Variants in P2RX2 observed in about 807,000 individuals in gnomAD.
P2RX2 encodes the protein purinergic receptor P2X 2.
Under a neutral mutation model 54.8 loss-of-function variants are expected in P2RX2, and 50 were observed. The ratio of observed to expected loss-of-function variants is 0.91; its 90% confidence interval spans 0.73 to 1.15. The LOEUF is 1.15. Ranked by LOEUF, P2RX2 falls within the 50% of genes most tolerant of loss-of-function variation. The pLI is 0.00. For missense variants in P2RX2, 658 were observed against 633.2 expected, an observed-to-expected ratio of 1.04 and a Z score of -0.42; for synonymous variants, 289 against 259.4, an observed-to-expected ratio of 1.11 and a Z score of -1.09.
Position 132,619,872 on chromosome 12 carries a change from T to C in P2RX2, c.410T>C (p.Leu137Pro). Reference protein sequence around the residue: ...ESIRVHNATCLSDADCVAGEL... With the variant: ...ESIRVHNATCPSDADCVAGEL... ...ATAAGGGTCCACAACGCCACCTGCC[T>C]CTCCGACGCCGACTGCGTGGCTGGG... Residue 137 changes from leucine to proline, a missense_variant, in exon 4 of 11, where the codon CTC (leucine) becomes CCC (proline). Transcript: ENST00000643471. 1.9e-6 allele frequency: 3 copies of C among 1,610,108 alleles called. No homozygotes were observed. The highest frequency in any genetic ancestry group is 2.5e-6 in the Non-Finnish European group (3 of 1,179,012).
Position 132,618,845 on chromosome 12 carries a change from C to T in P2RX2, c.29C>T (p.Ala10Val), listed in dbSNP as rs2041485436. 7.4e-7 allele frequency: 1 copy of T among 1,353,508 alleles called. No individual in the cohort carries two copies. The highest frequency in any genetic ancestry group is 1.5e-5 in the African/African-American group (1 of 66,124). The allele number at this position is 1,353,508 out of a possible 1,614,324, so 83.8% of individuals were successfully genotyped here. Residue 10 changes from alanine to valine, a missense_variant, in exon 1 of 11, where the codon GCC becomes GTC. Physicochemically the swap from Ala to Val is moderately conservative, Grantham distance 64. Coordinates refer to ENST00000643471, the MANE Select transcript of P2RX2 (RefSeq NM_170682.4). MAAAQPKYP[A>V]GATARRLARG... ...GCCGCCGCCCAGCCCAAGTACCCCG[C>T]CGGGGCGACCGCCCGGCGCCTGGCC... is the stretch of plus-strand genomic sequence containing the variant.
At chr12:132,619,632 G>A (rs2041555151) in intron 2 of P2RX2, 47 bp from the exon 3 acceptor site, 2 of 1,586,352 alleles carry the variant, frequency 1.3e-6, no homozygotes, top group East Asian at 2.2e-5. Flanking sequence ...TGGGCGGAGG[G>A]GGCAGCGGCT....
chr12:132,619,883 G>A lies in P2RX2; in HGVS notation c.421G>A (p.Asp141Asn), dbSNP rs1174191721. Reference protein sequence around the residue: ...VHNATCLSDADCVAGELDMLG... With the variant: ...VHNATCLSDANCVAGELDMLG... ...CAACGCCACCTGCCTCTCCGACGCCGACTGCGTGGCTGGGGAGCTGGACAT... is the reference window on the plus strand; with the variant it reads ...CAACGCCACCTGCCTCTCCGACGCCAACTGCGTGGCTGGGGAGCTGGACAT... Residue 141 changes from aspartate (D) to asparagine (N), a missense_variant, in exon 4 of 11, where the codon GAC (aspartate) becomes AAC (asparagine). Asp to Asn is a conservative substitution (Grantham distance 23, BLOSUM62 1). Coordinates refer to ENST00000643471, the MANE Select transcript of P2RX2 (RefSeq NM_170682.4). 7.4e-6 allele frequency: 12 copies of A among 1,611,158 alleles called. No homozygotes were observed. The highest frequency in any genetic ancestry group is 6.7e-5 in the African/African-American group (5 of 74,832).
chr12:132,621,826 C>G lies in P2RX2; in HGVS notation c.1270C>G (p.Gln424Glu). 1 of 1,610,584 alleles carries G rather than the reference C, an allele frequency of 6.2e-7. No individual in the cohort carries two copies. Among genetic ancestry groups the G allele is most frequent in the Non-Finnish European group, 8.5e-7 (1 of 1,178,254 alleles). ...CAGCCCTCCATCAGGCCAGGAGGGC[C>G]AACAAGGGGCAGAGTGTGGCCCAGC... is the stretch of plus-strand genomic sequence containing the variant. ...HPSPPSGQEG[Q>E]QGAECGPAFP... Residue 424 changes from glutamine (Q) to glutamate (E), a missense_variant, in exon 11 of 11, where the codon CAA becomes GAA. By Grantham distance (29) the Gln-to-Glu change is conservative. Transcript: ENST00000643471.
Position 132,621,760 on chromosome 12 carries a change from G to A in P2RX2, c.1204G>A (p.Ala402Thr). 1 of 1,603,634 alleles carries A rather than the reference G, an allele frequency of 6.2e-7. No individual in the cohort carries two copies. The highest frequency in any genetic ancestry group is 8.5e-7 in the Non-Finnish European group (1 of 1,174,010). The change falls in exon 11 of 11, where the codon GCC becomes ACC. Residue 402 changes from alanine to threonine, a missense_variant. Transcript: ENST00000643471. ...GACCCTTGCCCGTGTATTGGGCCAG[G>A]CCCCTCCCGAACCCGGCCACCGCTC... ...PVTLARVLGQAPPEPGHRSED... is the reference protein window; with the variant it reads ...PVTLARVLGQTPPEPGHRSED...
rs373787281 is a variant in P2RX2 at position 132,620,247 on chromosome 12, A to G, written c.555-20A>G. The G allele has an allele frequency of 1.4e-5, 22 of 1,606,614 alleles. No individual in the cohort carries two copies. The African/African-American group carries it at 1.5e-4, about 11-fold the overall frequency. On this transcript the variant is annotated intron_variant, in intron 5 of 10. Transcript: ENST00000643471. ...CTTTGCGGGAAGAGGGGACTAAACA[A>G]CCCTTCTGTGCCTCCTCAGCCAATT...
At chr12:132,619,028 C>T (rs781447353) in intron 1 of P2RX2, 39 bp downstream of exon 1, 1 of 998,676 alleles carries the variant, frequency 1.0e-6, no homozygotes, top group Non-Finnish European at 1.2e-6. Flanking sequence ...GGGTGCGGGG[C>T]GCAGGGGAGG....
In P2RX2 at chr12:132,618,911, A is replaced by G. The variant is rs780589773; in HGVS notation, c.95A>G (p.Lys32Arg). The G allele has an allele frequency of 3.7e-6, 5 of 1,346,218 alleles. No homozygotes were observed. Among genetic ancestry groups the G allele is most frequent in the South Asian group, 2.2e-5 (1 of 46,470 alleles). 83.4% of individuals were successfully genotyped at this position (1,346,218 alleles called of 1,614,324 possible). The change falls in exon 1 of 11, where the codon AAG (lysine) becomes AGG (arginine). Residue 32 changes from lysine (K) to arginine (R), a missense_variant. Coordinates refer to ENST00000643471, the MANE Select transcript of P2RX2 (RefSeq NM_170682.4). ...WSALWDYETPKVIVVRNRRLG... is the reference protein window; with the variant it reads ...WSALWDYETPRVIVVRNRRLG... ...GCCCTCTGGGACTACGAGACGCCCA[A>G]GGTGATCGTGGTGAGGAACCGGCGC...
At chr12:132,620,190 G>C in intron 5 of P2RX2, 77 bp from the exon 6 acceptor site, 2 of 1,504,470 alleles carry the variant, frequency 1.3e-6, no homozygotes, top group Non-Finnish European at 9.2e-7. Context: ...GACAAGATCT[G>C]GGGAGGGGTG....
At position 132,622,010 on chromosome 12, in the gene P2RX2, GT is replaced by G; in HGVS notation, c.*39del. The G allele has an allele frequency of 1.9e-6, 3 of 1,611,964 alleles. No homozygotes were observed. Among genetic ancestry groups the G allele is most frequent in the Non-Finnish European group, 2.5e-6 (3 of 1,179,390 alleles). On this transcript the variant is annotated 3_prime_UTR_variant, in exon 11 of 11. Transcript: ENST00000643471. Reference sequence around the variant, plus strand: ...CTCACTGGACTGCAGACCCGGCCTGGTGGGGCCAGAGAGTCCCCAGCTAGGG... The same window carrying G: ...CTCACTGGACTGCAGACCCGGCCTGGGGGGCCAGAGAGTCCCCAGCTAGGG...
Position 132,621,203 on chromosome 12 carries a change from G to A in P2RX2, c.906-52G>A, listed in dbSNP as rs191630133. The A allele has an allele frequency of 0.016, 26,599 of 1,613,876 alleles. 319 individuals are homozygous for A. The highest frequency in any genetic ancestry group is 0.02 in the Non-Finnish European group (23,172 of 1,179,882). Reference sequence around the variant, plus strand: ...GGGTCCCGAGAGGCCCAATGCCTGTGGGGCAGCCCTGGAGTGCAGAGGACG... The same window carrying A: ...GGGTCCCGAGAGGCCCAATGCCTGTAGGGCAGCCCTGGAGTGCAGAGGACG... On this transcript the variant is annotated intron_variant, in intron 8 of 10. Coordinates refer to ENST00000643471, the MANE Select transcript of P2RX2 (RefSeq NM_170682.4).
Position 132,621,982 on chromosome 12 carries a change from C to T in P2RX2, c.*10C>T. On this transcript the variant is annotated 3_prime_UTR_variant, in exon 11 of 11. Transcript: ENST00000643471. ...TTTGGCTCAACTCTGAGCTCCTTTC[C>T]ATCTCACTGGACTGCAGACCCGGCC... 1 of 1,613,522 alleles carries T rather than the reference C, an allele frequency of 6.2e-7. No homozygotes were observed. Among genetic ancestry groups the T allele is most frequent in the Non-Finnish European group, 8.5e-7 (1 of 1,180,000 alleles).
rs1208018368 is a variant in P2RX2 at position 132,621,460 on chromosome 12, C to T, written c.997-15C>T. On this transcript the variant is annotated splice_polypyrimidine_tract_variant and intron_variant, in intron 9 of 10. Coordinates refer to ENST00000643471, the MANE Select transcript of P2RX2 (RefSeq NM_170682.4). The stretch of plus-strand genomic sequence containing the variant: ...CGCCGTCAGACATTCTGACCACGAC[C>T]CCCATTCTCCCCAGGCCGGGAAGTT... 3.2e-6 allele frequency: 5 copies of T among 1,570,042 alleles called. No homozygotes were observed. Among genetic ancestry groups the T allele is most frequent in the Admixed American group, 1.8e-5 (1 of 55,872 alleles).
At position 132,619,380 on chromosome 12, in the gene P2RX2, C is replaced by T. The variant is rs753201487; in HGVS notation, c.174-59C>T. The T allele has an allele frequency of 3.3e-5, 53 of 1,596,020 alleles. No homozygotes were observed. The East Asian group carries it at 1.0e-3, about 31-fold the overall frequency. ...CGCGGGAGGGCCCCTGCCGTGCCTG[C>T]GGGCGGGACTCAGCCTTCCCAGGGT... On this transcript the variant is annotated intron_variant, in intron 1 of 10. Coordinates refer to ENST00000643471, the MANE Select transcript of P2RX2 (RefSeq NM_170682.4).
At position 132,619,709 on chromosome 12, in the gene P2RX2, G is replaced by A. The variant is rs1199199574; in HGVS notation, c.340G>A (p.Val114Ile). ...GGSVFSIITR[V>I]EATHSQTQGT... ...CAGCGTGTTCAGCATCATCACCAGG[G>A]TCGAGGCCACCCACTCCCAGACCCA... Residue 114 changes from valine to isoleucine, a missense_variant, in exon 3 of 11, where the codon GTC (valine) becomes ATC (isoleucine). Transcript: ENST00000643471. 1.9e-6 allele frequency: 3 copies of A among 1,604,846 alleles called. No individual in the cohort carries two copies. Among genetic ancestry groups the A allele is most frequent in the Non-Finnish European group, 2.6e-6 (3 of 1,175,674 alleles).
Position 132,620,249 on chromosome 12 carries a change from C to T in P2RX2, c.555-18C>T. ...TTGCGGGAAGAGGGGACTAAACAAC[C>T]CTTCTGTGCCTCCTCAGCCAATTTC... On this transcript the variant is annotated intron_variant, in intron 5 of 10. Coordinates refer to ENST00000643471, the MANE Select transcript of P2RX2 (RefSeq NM_170682.4). 6.2e-7 allele frequency: 1 copy of T among 1,609,506 alleles called. No individual in the cohort carries two copies. Among genetic ancestry groups the T allele is most frequent in the East Asian group, 2.2e-5 (1 of 44,834 alleles).
At chr12:132,619,369 T>C in intron 1 of P2RX2, 70 bp from the exon 2 acceptor site, 1 of 1,582,506 alleles carries the variant, frequency 6.3e-7, no homozygotes, top group Non-Finnish European at 8.6e-7. Context: ...GGAGGGCCCC[T>C]GCCGTGCCTG....
At chr12:132,621,221 A>G (rs760530921) in intron 8 of P2RX2, 34 bp from the exon 9 acceptor site, 1 of 1,613,858 alleles carries the variant, frequency 6.2e-7, no homozygotes, top group East Asian at 2.2e-5. Context: ...CCTGGAGTGC[A>G]GAGGACGAGT....
Position 132,622,021 on chromosome 12 carries a change from G to A in P2RX2, c.*49G>A, listed in dbSNP as rs539952303. On this transcript the variant is annotated 3_prime_UTR_variant, in exon 11 of 11. Coordinates refer to ENST00000643471, the MANE Select transcript of P2RX2 (RefSeq NM_170682.4). Reference sequence around the variant, plus strand: ...GCAGACCCGGCCTGGTGGGGCCAGAGAGTCCCCAGCTAGGGACCTGCACGT... The same window carrying A: ...GCAGACCCGGCCTGGTGGGGCCAGAAAGTCCCCAGCTAGGGACCTGCACGT... 77 of 1,610,296 alleles carry A rather than the reference G, an allele frequency of 4.8e-5. No homozygotes were observed. The South Asian group carries it at 7.9e-4, about 17-fold the overall frequency.
Sources: allele counts gnomAD v4.1 joint callset, GRCh38; gene constraint gnomAD v4.1.1; transcripts MANE v1.5; gene names NCBI Gene and HGNC (gene_info 2026-07-23, HGNC 2026-07-21).